Variants in SIM1 observed in about 807,000 individuals in gnomAD.
SIM1 encodes the protein SIM bHLH transcription factor 1.
In SIM1, 18 loss-of-function variants were observed where a neutral mutation model predicts 78.2. The ratio of observed to expected loss-of-function variants is 0.23; its 90% CI spans 0.16 to 0.34. The LOEUF (loss-of-function observed/expected upper bound fraction) is 0.34. Among genes scored for constraint, SIM1 ranks in the 10% least tolerant of loss-of-function variants. The pLI, the probability that SIM1 is intolerant of heterozygous loss-of-function variation, is 1.00. For missense variants in SIM1, 939 were observed against 975.1 expected (o/e 0.96, Z 0.49); for synonymous variants, 417 against 385.2 (o/e 1.08, Z -0.97).
In SIM1 at chr6:100,440,597, C is replaced by T. The variant is rs3798493; in HGVS notation, c.998+6671G>A. The stretch of plus-strand genomic sequence containing the variant: ...GGGAGATGGAGTCAGGGAGTTTACT[C>T]CCTCAGGCAAGCCAGAATGCTAAAT... On this transcript the variant is annotated intron_variant, in intron 9 of 11. Transcript: ENST00000369208. 1.1e-4 allele frequency among the ~76,000 whole-genome samples: 16 copies of T among 152,324 alleles called. No individual in the cohort carries two copies. In the East Asian group the frequency reaches 2.9e-3, roughly 28 times the overall value.
At chr6:100,438,154 A>T (rs1249055126) in intron 9 of SIM1, among the ~76,000 whole-genome samples, 3 of 152,224 alleles carry the variant, frequency 2.0e-5, no homozygotes, top group African/African-American at 7.2e-5. Flanking sequence ...CAAAAGAAAC[A>T]ATCAGCAGAA....
chr6:100,413,724 A>G (rs1316979818), intron 10 of SIM1, among the ~76,000 whole-genome samples: 2 of 152,202 alleles, frequency 1.3e-5, no homozygotes, highest in Non-Finnish European at 1.5e-5. Context: ...ATACAATCCT[A>G]TGTCTGATTC....
At chr6:100,398,409 A>T (rs372494135) in intron 10 of SIM1, among the ~76,000 whole-genome samples, 12 of 152,098 alleles carry the variant, frequency 7.9e-5, no homozygotes, top group Non-Finnish European at 7.4e-5. Context: ...TGAACTCTGT[A>T]CCCATTAAAC....
At chr6:100,453,882 C>G in intron 2 of SIM1, 38 bp from the exon 3 acceptor site, 1 of 1,530,472 alleles carries the variant, frequency 6.5e-7, no homozygotes, top group Non-Finnish European at 8.9e-7. Flanking sequence ...CCACTGAACC[C>G]GGACCTGACA....
intron 10 of SIM1, among the ~76,000 whole-genome samples, chr6:100,401,464 G>A (rs1241571138): frequency 6.6e-6 from 1 of 152,014 alleles, no homozygotes. Context: ...ATTGATAATT[G>A]TGCTGTGGTT....
chr6:100,441,907 C>A (rs1772227969), intron 9 of SIM1, among the ~76,000 whole-genome samples: 1 of 152,162 alleles, frequency 6.6e-6, no homozygotes, highest in African/African-American at 2.4e-5. Context: ...CATTCAAATC[C>A]ATCCCTGTCT....
intron 9 of SIM1, among the ~76,000 whole-genome samples, chr6:100,444,294 C>T (rs1049582395): frequency 2.0e-5 from 3 of 152,120 alleles, no homozygotes; most frequent in African/African-American, 7.2e-5. Context: ...CATTCACCTA[C>T]CCTCTTGAAA....
At chr6:100,433,817 A>G (rs1771970705) in intron 9 of SIM1, among the ~76,000 whole-genome samples, 1 of 149,028 alleles carries the variant, frequency 6.7e-6, no homozygotes, top group African/African-American at 2.5e-5. Flanking sequence ...CTTACATTTC[A>G]TGAGGGTAGG....
chr6:100,432,631 C>T (rs1771932876), intron 9 of SIM1, among the ~76,000 whole-genome samples: 1 of 152,170 alleles, frequency 6.6e-6, no homozygotes, highest in Non-Finnish European at 1.5e-5. Context: ...TTTTGAGTGC[C>T]TCTTACTTCT....
At chr6:100,413,988 T>TTA (rs1771333448) in intron 10 of SIM1, among the ~76,000 whole-genome samples, 2 of 152,228 alleles carry the variant, frequency 1.3e-5, no homozygotes, top group African/African-American at 4.8e-5. Context: ...ATAGCAGACT[T>TTA]CACTATAACC....
chr6:100,402,750 T>C (rs1212057707), intron 10 of SIM1, among the ~76,000 whole-genome samples: 1 of 152,044 alleles, frequency 6.6e-6, no homozygotes, highest in East Asian at 1.9e-4. Flanking sequence ...GCTAATTTTT[T>C]GTATTTTTAG....
In SIM1 at chr6:100,405,732, AC is replaced by A. The variant is rs1033061065; in HGVS notation, c.1168-11844del. On this transcript the variant is annotated intron_variant, in intron 10 of 11. Transcript: ENST00000369208. ...CACAGGCCTTCTCTTAATCCACCCC[AC>A]CCCCCAAAAAAAGTTACAAAAATGT... Among the ~76,000 whole-genome samples the A allele has an allele frequency of 7.9e-5, 12 of 151,334 alleles. No individual in the cohort carries two copies. In the East Asian group the frequency reaches 1.2e-3, roughly 15 times the overall value.
chr6:100,391,035 T>C lies in SIM1; in HGVS notation c.1627A>G (p.Ser543Gly), dbSNP rs751837277. 2.9e-5 allele frequency: 47 copies of C among 1,613,982 alleles called. No individual in the cohort carries two copies. Among genetic ancestry groups the C allele is most frequent in the Non-Finnish European group, 3.8e-5 (45 of 1,180,014 alleles). Residue 543 changes from serine to glycine, a missense_variant, in exon 12 of 12, where the codon AGT (serine) becomes GGT (glycine). Physicochemically the swap from Ser to Gly is moderately conservative, Grantham distance 56. Transcript: ENST00000369208. ...VVSSPDPGSA[S>G]ESGDRYRTEQ... ...GTACGATATCGGTCACCTGATTCAC[T>C]GGCCGACCCAGGGTCTGGAGAACTG...
Position 100,390,748 on chromosome 6 carries a change from T to C in SIM1, c.1914A>G (p.Gly638=), listed in dbSNP as rs1770618282. ...SPCDHIQQRE[G]KMLSPHENDY... is the part of the protein sequence containing the mutation. ...CATTTTCATGGGGGCTCAACATTTTTCCCTCTCTCTGCTGGATATGGTCAC... is the reference window on the plus strand; with the variant it reads ...CATTTTCATGGGGGCTCAACATTTTCCCCTCTCTCTGCTGGATATGGTCAC... The change falls in exon 12 of 12, where the codon GGA becomes GGG. Residue 638 remains glycine (G), a synonymous_variant. Transcript: ENST00000369208. 1 of 1,614,134 alleles carries C rather than the reference T, an allele frequency of 6.2e-7. No homozygotes were observed. The highest frequency in any genetic ancestry group is 8.5e-7 in the Non-Finnish European group (1 of 1,180,030).
chr6:100,412,606 A>AG (rs1771238224), intron 10 of SIM1, among the ~76,000 whole-genome samples: 3 of 118,202 alleles, frequency 2.5e-5, no homozygotes, highest in South Asian at 5.7e-4. Context: ...AAAGAAAGAA[A>AG]GAAAGGAAAG....
rs1770552387 is a variant in SIM1 at position 100,388,043 on chromosome 6, A to T, written c.*2318T>A. Reference sequence around the variant, plus strand: ...TACAGAATTCTACAAAACCTTTAGCATTCTTAAGACATTACTTCATGTTGC... The same window carrying T: ...TACAGAATTCTACAAAACCTTTAGCTTTCTTAAGACATTACTTCATGTTGC... On this transcript the variant is annotated 3_prime_UTR_variant, in exon 12 of 12. Coordinates refer to ENST00000369208, the MANE Select transcript of SIM1 (RefSeq NM_005068.3). The T allele has an allele frequency of 6.6e-6, 1 of 152,178 alleles. No individual in the cohort carries two copies. The highest frequency in any genetic ancestry group is 6.5e-5 in the Admixed American group (1 of 15,278). The allele number at this position is 152,178 out of a possible 1,614,324, so 9.4% of individuals were successfully genotyped here. A position where few individuals can be genotyped will look rare whatever the true frequency, so the allele number is the denominator to read the frequency against.
chr6:100,435,085 A>G (rs1772009261), intron 9 of SIM1, among the ~76,000 whole-genome samples: 1 of 152,188 alleles, frequency 6.6e-6, no homozygotes, highest in South Asian at 2.1e-4. Flanking sequence ...TGATGCTAAA[A>G]TTAGTGAAGA....
chr6:100,447,115 G>T (rs1049783878), intron 9 of SIM1, among the ~76,000 whole-genome samples, 153 bp downstream of exon 9: 5 of 152,240 alleles, frequency 3.3e-5, no homozygotes, highest in African/African-American at 1.2e-4. Flanking sequence ...GAAAGTGTTC[G>T]ATCTGCCTCC....
chr6:100,405,173 A>G (rs1451618855), intron 10 of SIM1, among the ~76,000 whole-genome samples: 1 of 152,040 alleles, frequency 6.6e-6, no homozygotes, highest in Admixed American at 6.6e-5. Flanking sequence ...AACCCTCCTG[A>G]GATATGTTTA....
Sources: gnomAD v4.1 joint callset for allele counts (sites outside exome capture counted in the v4.1 genomes callset) on GRCh38, gnomAD v4.1.1 for gene constraint, MANE v1.5 for transcripts, NCBI Gene and HGNC (gene_info 2026-07-23, HGNC 2026-07-21) for gene names.